The following TF variants were observed in gnomAD, a reference collection of about 807,000 sequenced individuals.
TF encodes the protein transferrin.
TF carries 55 observed loss-of-function variants against 82.4 expected under a neutral mutation model. That is an observed-to-expected ratio of 0.67 (90% CI 0.54 to 0.84). TF has a LOEUF of 0.84. TF is among the 40% of genes least tolerant of loss of function. TF has a pLI of 0.00. For synonymous variants in TF, 332 were observed against 332.6 expected, an observed-to-expected ratio of 1.00 and a Z score of 0.02; for missense variants, 737 against 868.4, an observed-to-expected ratio of 0.85 and a Z score of 1.90.
chr3:133,713,373 G>A, the TF span, among the ~76,000 whole-genome samples: 1 of 152,206 alleles, frequency 6.6e-6, no homozygotes, highest in Non-Finnish European at 1.5e-5. Context: ...ACAAGGCTTT[G>A]TTGGAGCTTA....
the TF span, among the ~76,000 whole-genome samples, chr3:133,676,410 C>T: frequency 2.6e-5 from 4 of 152,150 alleles, no homozygotes; most frequent in Non-Finnish European, 5.9e-5. Flanking sequence ...GGGCTCTTGG[C>T]GGGGTGATTT....
the TF span, among the ~76,000 whole-genome samples, chr3:133,730,459 T>C: frequency 2.6e-5 from 4 of 152,244 alleles, no homozygotes; most frequent in African/African-American, 9.6e-5. Flanking sequence ...TATGGTGGGC[T>C]TGTGGTTCTA....
chr3:133,766,888 G>A (rs1934140460), intron 12 of TF, among the ~76,000 whole-genome samples: 1 of 152,142 alleles, frequency 6.6e-6, no homozygotes, highest in Non-Finnish European at 1.5e-5. Flanking sequence ...CCTTTTTAAA[G>A]GAGCTCTCTA....
chr3:133,699,453 G>A, the TF span: 11 of 1,234,232 alleles, frequency 8.9e-6, no homozygotes, highest in African/African-American at 1.1e-4. Context: ...AGAGAACCTG[G>A]CAAACAAGGC....
the TF span, among the ~76,000 whole-genome samples, chr3:133,714,484 T>C: frequency 6.6e-6 from 1 of 152,178 alleles, no homozygotes. Context: ...CAACAACATA[T>C]ACTATTATTA....
At chr3:133,753,277 C>T (rs141650118) in intron 2 of TF, among the ~76,000 whole-genome samples, 54 of 152,288 alleles carry the variant, frequency 3.5e-4, no homozygotes, top group Middle Eastern at 3.4e-3. Flanking sequence ...CTTTCTCCCA[C>T]GGAGCCTGCC....
chr3:133,774,906 G>T, intron 14 of TF: 2 of 359,600 alleles, frequency 5.6e-6, no homozygotes, highest in South Asian at 2.3e-5. Flanking sequence ...AGAGGCAAAG[G>T]GGCCGAGATG....
chr3:133,725,876 A>C, the TF span, among the ~76,000 whole-genome samples: 2 of 152,272 alleles, frequency 1.3e-5, no homozygotes, highest in East Asian at 3.9e-4. Context: ...AGGGTTGTTG[A>C]ATTTTGTCAA....
intron 13 of TF, 61 bp downstream of exon 13, chr3:133,768,225 A>C (rs886243988): frequency 5.6e-6 from 9 of 1,599,398 alleles, no homozygotes; most frequent in Admixed American, 1.7e-5. Context: ...GATTTCTTTT[A>C]GGAACTAAGG....
At chr3:133,731,784 G>C in the TF span, among the ~76,000 whole-genome samples, 3 of 152,338 alleles carry the variant, frequency 2.0e-5, no homozygotes, top group Admixed American at 1.3e-4. Flanking sequence ...GAGTAGTTAA[G>C]TAACTTGTCC....
At chr3:133,757,041 T>G in intron 7 of TF, 32 bp downstream of exon 7, 1 of 1,613,942 alleles carries the variant, frequency 6.2e-7, no homozygotes, top group Non-Finnish European at 8.5e-7. Context: ...CCCTCCAGCT[T>G]AGTGCTCCCT....
At chr3:133,751,986 C>T (rs187880865) in intron 2 of TF, among the ~76,000 whole-genome samples, 7 of 152,228 alleles carry the variant, frequency 4.6e-5, no homozygotes, top group Admixed American at 1.3e-4. Flanking sequence ...AAGAGCGAGA[C>T]TGCTGATATA....
At chr3:133,719,896 T>C in the TF span, among the ~76,000 whole-genome samples, 4 of 152,220 alleles carry the variant, frequency 2.6e-5, no homozygotes, top group Non-Finnish European at 5.9e-5. Flanking sequence ...TCTTGATTTC[T>C]TTTTTAGTTT....
intron 9 of TF, 35 bp from the exon 10 acceptor site, chr3:133,764,147 C>A (rs1239007019): frequency 1.3e-6 from 2 of 1,590,534 alleles, no homozygotes; most frequent in Non-Finnish European, 1.7e-6. Flanking sequence ...GAAACAGCCT[C>A]TTTTCATCTG....
At chr3:133,729,592 C>T in the TF span, among the ~76,000 whole-genome samples, 1 of 152,236 alleles carries the variant, frequency 6.6e-6, no homozygotes, top group East Asian at 1.9e-4. Flanking sequence ...AAGAGAACTC[C>T]CTGACCCCTT....
At chr3:133,724,548 G>A in the TF span, among the ~76,000 whole-genome samples, 1 of 152,168 alleles carries the variant, frequency 6.6e-6, no homozygotes, top group Non-Finnish European at 1.5e-5. Flanking sequence ...GTAGATTCTG[G>A]ATATTAGCCC....
In TF at chr3:133,787,200, T is replaced by C. The variant is rs936233054; in HGVS notation, c.*8580T>C. The C allele has an allele frequency of 1.3e-5, 2 of 152,234 alleles. No individual in the cohort carries two copies. The highest frequency in any genetic ancestry group is 4.8e-5 in the African/African-American group (2 of 41,458). The allele number at this position is 152,234 out of a possible 1,614,324, so 9.4% of individuals were successfully genotyped here. A position where few individuals can be genotyped will look rare whatever the true frequency, so the allele number is the denominator to read the frequency against. On this transcript the variant is annotated 3_prime_UTR_variant, in exon 17 of 17. Transcript: ENST00000402696. The stretch of plus-strand genomic sequence containing the variant: ...CTCTAGATGTTTAAGAAGTTGCCAG[T>C]GTATGACAAAGTATCTAGTAAAATT...
chr3:133,756,747 T>C, intron 6 of TF, 84 bp from the exon 7 acceptor site: 2 of 1,549,146 alleles, frequency 1.3e-6, no homozygotes, highest in Non-Finnish European at 1.8e-6. Flanking sequence ...AGCTCATACT[T>C]TCTATGATCA....
chr3:133,730,736 CACACACACAAGCATGCAT>C, the TF span, among the ~76,000 whole-genome samples: 782 of 152,300 alleles, frequency 5.1e-3, 4 homozygotes, highest in African/African-American at 0.017. Flanking sequence ...ATTCTAGTAA[CACACACACAAGCATGCAT>C]ACACACACAT....
Sources: allele counts gnomAD v4.1 joint callset (sites outside exome capture counted in the v4.1 genomes callset), GRCh38; gene constraint gnomAD v4.1.1; transcripts MANE v1.5; gene names NCBI Gene and HGNC (gene_info 2026-07-23, HGNC 2026-07-21).